The following BRS3 variants were observed in gnomAD, a reference collection of about 807,000 sequenced individuals.
The protein encoded by BRS3 is bombesin receptor subtype-3.
BRS3 carries 5 observed loss-of-function variants against 18.8 expected under a neutral mutation model. The observed-to-expected ratio is 0.27, with a 90% CI of 0.14 to 0.56. The LOEUF (loss-of-function observed/expected upper bound fraction) is 0.56, where lower values mean the gene tolerates loss of function less well. Among genes scored for constraint, BRS3 ranks in the 20% least tolerant of loss-of-function variants. The pLI, the probability that BRS3 is intolerant of heterozygous loss-of-function variation, is 0.93. For synonymous variants in BRS3, 121 were observed against 115.0 expected, an observed-to-expected ratio of 1.05 and a Z score of -0.33; for missense variants, 215 against 296.3, an observed-to-expected ratio of 0.73 and a Z score of 2.01.
At chrX:136,491,913 G>GTTTTTTTTTTTTTTTTGT (rs2075671193) in intron 2 of BRS3, 49 bp from the exon 3 acceptor site, 1 of 431,737 alleles carries the variant, frequency 2.3e-6, no homozygotes, top group East Asian at 1.0e-4. Context: ...TGTTTTTTGT[G>GTTTTTTTTTTTTTTTTGT]TTTTTTTTTT....
chrX:136,491,191 G>A (rs1224471622), intron 2 of BRS3, among the ~76,000 whole-genome samples: 1 of 112,228 alleles, frequency 8.9e-6, no homozygotes, highest in Non-Finnish European at 1.9e-5. Flanking sequence ...GGGAAAGGGG[G>A]AGAGAGGATT....
At position 136,488,028 on chromosome X, in the gene BRS3, T is replaced by C; in HGVS notation, c.-87T>C. 3.4e-6 allele frequency: 3 copies of C among 887,783 alleles called. No homozygotes were observed. Among genetic ancestry groups the C allele is most frequent in the Non-Finnish European group, 4.7e-6 (3 of 636,136 alleles). 73.2% of individuals were successfully genotyped at this position (887,783 alleles called of 1,213,427 possible). On this transcript the variant is annotated 5_prime_UTR_variant, in exon 1 of 3. Coordinates refer to ENST00000370648, the MANE Select transcript of BRS3 (RefSeq NM_001727.2). Reference sequence around the variant, plus strand: ...TCTGTTCTGTTCTCCTAATACCATCTCGTTACTAGACGTAGGCATTGGACG... The same window carrying C: ...TCTGTTCTGTTCTCCTAATACCATCCCGTTACTAGACGTAGGCATTGGACG...
intron 1 of BRS3, among the ~76,000 whole-genome samples, chrX:136,489,667 C>T (rs2075663062): frequency 1.8e-5 from 2 of 111,088 alleles, no homozygotes; most frequent in South Asian, 7.7e-4. Flanking sequence ...CCACATAAAC[C>T]CTTGGAATTC....
At chrX:136,488,658 TA>T in intron 1 of BRS3, 110 bp downstream of exon 1, 1 of 766,673 alleles carries the variant, frequency 1.3e-6, no homozygotes, top group Non-Finnish European at 1.8e-6. Context: ...TCACACTCTG[TA>T]ACGTGGATGT....
At position 136,492,347 on chromosome X, in the gene BRS3, G is replaced by A; in HGVS notation, c.1172G>A (p.Ser391Asn). The A allele has an allele frequency of 8.3e-7, 1 of 1,209,198 alleles. No homozygotes were observed. Among genetic ancestry groups the A allele is most frequent in the Non-Finnish European group, 1.1e-6 (1 of 894,530 alleles). Residue 391 changes from serine to asparagine, a missense_variant, in exon 3 of 3, where the codon AGT (serine) becomes AAT (asparagine). Ser to Asn is a conservative substitution (Grantham distance 46). Coordinates refer to ENST00000370648, the MANE Select transcript of BRS3 (RefSeq NM_001727.2). ...AGTGTGACCTCGTTCACTGGGTGTAGTGTGAAGCAGGCAGAGGACAGATTC... is the reference window on the plus strand; with the variant it reads ...AGTGTGACCTCGTTCACTGGGTGTAATGTGAAGCAGGCAGAGGACAGATTC... Reference protein sequence around the residue: ...EISVTSFTGCSVKQAEDRF With the variant: ...EISVTSFTGCNVKQAEDRF
chrX:136,490,198 A>G lies in BRS3; in HGVS notation c.500A>G (p.Lys167Arg). ...AATGCCATCCTGAAGACTTGTGTAA[A>G]AGCTGGCTGCGTCTGGATCGTGTCT... Reference protein sequence around the residue: ...PSNAILKTCVKAGCVWIVSMI... With the variant: ...PSNAILKTCVRAGCVWIVSMI... Residue 167 changes from lysine (K) to arginine (R), a missense_variant, in exon 2 of 3, where the codon AAA becomes AGA. Physicochemically the swap from Lys to Arg is conservative, Grantham distance 26. Around this residue, in one of 3 missense-constraint regions of BRS3, gnomAD observed 123 missense variants for 207.6 expected, o/e 0.59. Coordinates refer to ENST00000370648, the MANE Select transcript of BRS3 (RefSeq NM_001727.2). The G allele has an allele frequency of 8.3e-7, 1 of 1,210,288 alleles. No homozygotes were observed. Among genetic ancestry groups the G allele is most frequent in the Non-Finnish European group, 1.1e-6 (1 of 894,326 alleles).
rs750734469 is a variant in BRS3 at position 136,491,904 on chromosome X, G to GTT, written c.787-53_787-52dup. Reference sequence around the variant, plus strand: ...ATGTTTTGTTTTTTTTGTTGTTGTTGTTTTTTGTGTTTTTTTTTTTTTTTT... The same window carrying GTT: ...ATGTTTTGTTTTTTTTGTTGTTGTTGTTTTTTTTGTGTTTTTTTTTTTTTTTT... On this transcript the variant is annotated intron_variant, in intron 2 of 2. Coordinates refer to ENST00000370648, the MANE Select transcript of BRS3 (RefSeq NM_001727.2). The GTT allele has an allele frequency of 5.8e-5, 40 of 690,946 alleles. 1 individual carries two copies. The African/African-American group carries it at 1.9e-3, about 33-fold the overall frequency. The allele number at this position is 690,946 out of a possible 1,213,427, so 56.9% of individuals were successfully genotyped here.
In BRS3 at chrX:136,488,039, C is replaced by T. The variant is rs1872875173; in HGVS notation, c.-76C>T. The T allele has an allele frequency of 7.2e-6, 7 of 967,423 alleles. No homozygotes were observed. Among genetic ancestry groups the T allele is most frequent in the East Asian group, 3.1e-5 (1 of 32,218 alleles). The allele number at this position is 967,423 out of a possible 1,213,427, so 79.7% of individuals were successfully genotyped here. The stretch of plus-strand genomic sequence containing the variant: ...CTCCTAATACCATCTCGTTACTAGA[C>T]GTAGGCATTGGACGTGACAATCAAC... On this transcript the variant is annotated 5_prime_UTR_variant, in exon 1 of 3. The change creates a new upstream start codon in the 5' untranslated region. Transcript: ENST00000370648.
At position 136,488,154 on chromosome X, in the gene BRS3, A is replaced by C; in HGVS notation, c.40A>C (p.Ile14Leu). The C allele has an allele frequency of 1.7e-6, 2 of 1,209,306 alleles. No individual in the cohort carries two copies. Among genetic ancestry groups the C allele is most frequent in the Non-Finnish European group, 1.1e-6 (1 of 894,413 alleles). ...RQPHSPNQTL[I>L]SITNDTESSS... is the part of the protein sequence containing the mutation. ...GCCTCACTCACCTAATCAGACTTTA[A>C]TTTCAATCACAAATGACACAGAATC... Residue 14 changes from isoleucine to leucine, a missense_variant, in exon 1 of 3, where the codon ATT (isoleucine) becomes CTT (leucine). Physicochemically the swap from Ile to Leu is conservative, Grantham distance 5 (BLOSUM62 2). This residue lies in a region of BRS3 where 47 missense variants were observed against 43.1 expected (regional missense o/e 1.09). Coordinates refer to ENST00000370648, the MANE Select transcript of BRS3 (RefSeq NM_001727.2).
At position 136,487,994 on chromosome X, in the gene BRS3, C is replaced by T; in HGVS notation, c.-121C>T. The stretch of plus-strand genomic sequence containing the variant: ...TATCTGGATGTCTTGGATTTTCTTC[C>T]CATTCTGTTCTGTTCTGTTCTCCTA... On this transcript the variant is annotated 5_prime_UTR_variant, in exon 1 of 3. Transcript: ENST00000370648. The T allele has an allele frequency of 4.5e-6, 3 of 662,135 alleles. No homozygotes were observed. The highest frequency in any genetic ancestry group is 6.6e-6 in the Non-Finnish European group (3 of 452,244). 54.6% of individuals were successfully genotyped at this position (662,135 alleles called of 1,213,427 possible). A position where few individuals can be genotyped will look rare whatever the true frequency, so the allele number is the denominator to read the frequency against.
rs779809474 is a variant in BRS3, at chrX:136,490,494, A to G, written c.786+10A>G. 28 of 1,104,605 alleles carry G rather than the reference A, an allele frequency of 2.5e-5. No individual in the cohort carries two copies. The highest frequency in any genetic ancestry group is 7.2e-6 in the Non-Finnish European group (6 of 829,304). The allele number at this position is 1,104,605 out of a possible 1,213,427, so 91.0% of individuals were successfully genotyped here. ...CCATGCCCGTAAGCAGGTATGTATT[A>G]ATCAGTACTCATGCAAATCTAGTTT... On this transcript the variant is annotated intron_variant, in intron 2 of 2. Transcript: ENST00000370648.
chrX:136,488,202 G>C lies in BRS3; in HGVS notation c.88G>C (p.Asp30His). Residue 30 changes from aspartate to histidine, a missense_variant, in exon 1 of 3, where the codon GAT (aspartate) becomes CAT (histidine). Coordinates refer to ENST00000370648, the MANE Select transcript of BRS3 (RefSeq NM_001727.2). Reference protein sequence around the residue: ...TESSSSVVSNDNTNKGWSGDN... With the variant: ...TESSSSVVSNHNTNKGWSGDN... ...ATCATCAAGCTCTGTGGTTTCTAACGATAACACAAATAAAGGATGGAGCGG... is the reference window on the plus strand; with the variant it reads ...ATCATCAAGCTCTGTGGTTTCTAACCATAACACAAATAAAGGATGGAGCGG... 3 of 1,211,359 alleles carry C rather than the reference G, an allele frequency of 2.5e-6. No individual in the cohort carries two copies. The highest frequency in any genetic ancestry group is 3.4e-6 in the Non-Finnish European group (3 of 895,290).
At chrX:136,488,887 C>T (rs2075660998) in intron 1 of BRS3, among the ~76,000 whole-genome samples, 1 of 112,077 alleles carries the variant, frequency 8.9e-6, no homozygotes, top group African/African-American at 3.2e-5. Flanking sequence ...ATGCTTTATA[C>T]ATTAGTGCAG....
chrX:136,488,655 C>A, intron 1 of BRS3, 107 bp downstream of exon 1: 1 of 784,396 alleles, frequency 1.3e-6, no homozygotes, highest in Non-Finnish European at 1.8e-6. Context: ...TTCTCACACT[C>A]TGTAACGTGG....
chrX:136,488,662 G>A (rs1314296791), intron 1 of BRS3, 114 bp downstream of exon 1: 24 of 734,283 alleles, frequency 3.3e-5, no homozygotes, highest in Non-Finnish European at 4.0e-5. Flanking sequence ...ACTCTGTAAC[G>A]TGGATGTGAG....
At position 136,492,687 on chromosome X, in the gene BRS3, T is replaced by G. The variant is rs1022123607; in HGVS notation, c.*312T>G. The G allele has an allele frequency of 2.4e-5, 5 of 209,739 alleles. No individual in the cohort carries two copies. Among genetic ancestry groups the G allele is most frequent in the Non-Finnish European group, 3.4e-5 (4 of 115,962 alleles). 17.3% of individuals were successfully genotyped at this position (209,739 alleles called of 1,213,427 possible). On this transcript the variant is annotated 3_prime_UTR_variant, in exon 3 of 3. Transcript: ENST00000370648. ...ACAAGATGAAACTTAAAAATCTCAT[T>G]TGTTGTTTAATCACATCTGTGATGC...
At position 136,492,420 on chromosome X, in the gene BRS3, G is replaced by A. The variant is rs373719460; in HGVS notation, c.*45G>A. 165 of 1,144,789 alleles carry A rather than the reference G, an allele frequency of 1.4e-4. No homozygotes were observed. Among genetic ancestry groups the A allele is most frequent in the Middle Eastern group, 2.5e-4 (1 of 4,077 alleles). 94.3% of individuals were successfully genotyped at this position (1,144,789 alleles called of 1,213,427 possible). A position where few individuals can be genotyped will look rare whatever the true frequency, so the allele number is the denominator to read the frequency against. ...GCTTCTCCTCCCAGCGTGTGTATCC[G>A]ACTCTAAGCTGTGTGCAGGTGTATG... On this transcript the variant is annotated 3_prime_UTR_variant, in exon 3 of 3. Transcript: ENST00000370648.
rs989597245 is a variant in BRS3, at chrX:136,490,301, A to G, written c.603A>G (p.Glu201=). 6 of 1,209,330 alleles carry G rather than the reference A, an allele frequency of 5.0e-6. No homozygotes were observed. The highest frequency in any genetic ancestry group is 2.3e-4 in the Middle Eastern group (1 of 4,371). ...FRDPNKNMTF[E]SCTSYPVSKK... The stretch of plus-strand genomic sequence containing the variant: ...ATCCCAATAAAAATATGACATTTGA[A>G]TCATGTACCTCTTATCCTGTCTCTA... Residue 201 remains glutamate, a synonymous_variant, in exon 2 of 3, where the codon GAA becomes GAG. Coordinates refer to ENST00000370648, the MANE Select transcript of BRS3 (RefSeq NM_001727.2).
chrX:136,491,616 C>A (rs2075669010), intron 2 of BRS3, among the ~76,000 whole-genome samples: 1 of 111,819 alleles, frequency 8.9e-6, no homozygotes, highest in Non-Finnish European at 1.9e-5. Context: ...TTGGAGAATT[C>A]CACGGCATTC....
Sources: allele counts gnomAD v4.1 joint callset (sites outside exome capture counted in the v4.1 genomes callset), GRCh38; gene constraint gnomAD v4.1.1; regional missense constraint gnomAD v4.1.1; transcripts MANE v1.5; gene names NCBI Gene and HGNC (gene_info 2026-07-23, HGNC 2026-07-21).